The following NOL4 variants were observed in gnomAD, a reference collection of about 807,000 sequenced individuals.
NOL4 encodes nucleolar protein 4.
In NOL4, 17 loss-of-function variants were observed where a neutral mutation model predicts 75.9. The observed-to-expected ratio is 0.22, with a 90% CI of 0.15 to 0.34. NOL4 has a LOEUF of 0.34. Among genes scored for constraint, NOL4 ranks in the 10% least tolerant of loss-of-function variants. The pLI, the probability that NOL4 is intolerant of heterozygous loss-of-function variation, is 1.00. For synonymous variants in NOL4, 292 were observed against 289.9 expected, an observed-to-expected ratio of 1.01 and a Z score of -0.07; for missense variants, 614 against 793.5, an observed-to-expected ratio of 0.77 and a Z score of 2.72.
At chr18:34,160,628 T>C (rs1303451874) in intron 1 of NOL4, among the ~76,000 whole-genome samples, 1 of 152,208 alleles carries the variant, frequency 6.6e-6, no homozygotes, top group African/African-American at 2.4e-5. Context: ...TGAATTCTTA[T>C]ATATGTGGTC....
chr18:33,886,576 G>C (rs2064672059), intron 9 of NOL4, among the ~76,000 whole-genome samples: 1 of 150,026 alleles, frequency 6.7e-6, no homozygotes, highest in Non-Finnish European at 1.5e-5. Context: ...ACTATTATTT[G>C]ATAGTGCAAC....
At chr18:33,942,661 C>T (rs948534397) in intron 9 of NOL4, among the ~76,000 whole-genome samples, 7 of 151,836 alleles carry the variant, frequency 4.6e-5, no homozygotes, top group Admixed American at 1.3e-4. Flanking sequence ...TATTGGCATG[C>T]GGTAGTAGGC....
At chr18:34,025,195 A>G (rs1252214427) in intron 5 of NOL4, among the ~76,000 whole-genome samples, 3 of 152,216 alleles carry the variant, frequency 2.0e-5, no homozygotes, top group Non-Finnish European at 4.4e-5. Flanking sequence ...ACTTACTGCC[A>G]GAATGGTCCC....
intron 1 of NOL4, among the ~76,000 whole-genome samples, chr18:34,134,487 C>CAT (rs2080808591): frequency 6.9e-6 from 1 of 145,676 alleles, no homozygotes; most frequent in African/African-American, 2.5e-5. Flanking sequence ...CACACACACA[C>CAT]ACACACACAT....
At chr18:34,175,875 C>T (rs1052492335) in intron 1 of NOL4, among the ~76,000 whole-genome samples, 15 of 151,974 alleles carry the variant, frequency 9.9e-5, no homozygotes, top group African/African-American at 3.6e-4. Flanking sequence ...AGACAAGAAT[C>T]TCATTCTAGA....
rs1194516345 is a variant in NOL4 at position 33,981,734 on chromosome 18, A to T, written c.1057-23316T>A. Among the ~76,000 whole-genome samples the T allele has an allele frequency of 2.6e-5, 4 of 152,086 alleles. No homozygotes were observed. The East Asian group carries it at 7.7e-4, about 29-fold the overall frequency. ...TAATATAGGTTAATGACTTGGACTT[A>T]TTTTTTCAAAGAGCATTAGAGGAAG... On this transcript the variant is annotated intron_variant, in intron 6 of 10. Transcript: ENST00000261592.
At chr18:34,141,741 C>G (rs2081173234) in intron 1 of NOL4, among the ~76,000 whole-genome samples, 1 of 152,160 alleles carries the variant, frequency 6.6e-6, no homozygotes, top group African/African-American at 2.4e-5. Flanking sequence ...TAGAAGAAAA[C>G]CTAGGCAATA....
At position 33,852,743 on chromosome 18, in the gene NOL4, G is replaced by T; in HGVS notation, c.*99C>A. ...CATAATGGAAGTATTTCTCTTAAAA[G>T]ACTGTGCAGTAAGACCAGAAGTATC... On this transcript the variant is annotated 3_prime_UTR_variant, in exon 11 of 11. Coordinates refer to ENST00000261592, the MANE Select transcript of NOL4 (RefSeq NM_003787.5). 1 of 1,006,504 alleles carries T rather than the reference G, an allele frequency of 9.9e-7. No homozygotes were observed. The highest frequency in any genetic ancestry group is 1.6e-5 in the South Asian group (1 of 64,374). 62.3% of individuals were successfully genotyped at this position (1,006,504 alleles called of 1,614,324 possible).
chr18:34,053,156 T>C lies in NOL4; in HGVS notation c.773-33555A>G, dbSNP rs556103774. ...TACTGAAGAAAAAATGGATTTCAGATTGAAGATGGTAGCAATGATGTAAGT... is the reference window on the plus strand; with the variant it reads ...TACTGAAGAAAAAATGGATTTCAGACTGAAGATGGTAGCAATGATGTAAGT... On this transcript the variant is annotated intron_variant, in intron 5 of 10. Coordinates refer to ENST00000261592, the MANE Select transcript of NOL4 (RefSeq NM_003787.5). Among the ~76,000 whole-genome samples the C allele has an allele frequency of 2.2e-3, 342 of 152,128 alleles. 2 individuals carry two copies. The highest frequency in any genetic ancestry group is 7.8e-3 in the African/African-American group (325 of 41,552).
chr18:34,068,024 A>T (rs2077354249), intron 5 of NOL4, among the ~76,000 whole-genome samples: 1 of 152,222 alleles, frequency 6.6e-6, no homozygotes, highest in Non-Finnish European at 1.5e-5. Context: ...CAAAGTAAAG[A>T]GATGGGAGAA....
intron 9 of NOL4, among the ~76,000 whole-genome samples, chr18:33,886,728 T>C (rs2064685232): frequency 6.9e-6 from 1 of 145,072 alleles, no homozygotes; most frequent in Admixed American, 6.9e-5. Flanking sequence ...GCACATTGTA[T>C]GCCTGTATCA....
At chr18:33,996,885 C>CT (rs138162301) in intron 6 of NOL4, among the ~76,000 whole-genome samples, 20,555 of 151,622 alleles carry the variant, frequency 0.14, 1,491 homozygotes, top group Middle Eastern at 0.24. Flanking sequence ...GTACATATGT[C>CT]TTTTTGGTAA....
At chr18:34,194,515 A>G (rs1386770494) in intron 1 of NOL4, among the ~76,000 whole-genome samples, 1 of 151,830 alleles carries the variant, frequency 6.6e-6, no homozygotes, top group Non-Finnish European at 1.5e-5. Flanking sequence ...AAAAGCAGCA[A>G]ATTTTTATTG....
At chr18:34,182,868 G>T (rs1275738244) in intron 1 of NOL4, among the ~76,000 whole-genome samples, 3 of 151,654 alleles carry the variant, frequency 2.0e-5, no homozygotes, top group Non-Finnish European at 3.0e-5. Flanking sequence ...TTACCAAAAA[G>T]TACATGAAAT....
intron 5 of NOL4, among the ~76,000 whole-genome samples, chr18:34,030,698 T>G (rs1195638191): frequency 2.0e-5 from 3 of 152,118 alleles, no homozygotes; most frequent in Non-Finnish European, 4.4e-5. Context: ...AAATAATAGC[T>G]AGAAGGAGCA....
chr18:34,164,197 T>C (rs1439699080), intron 1 of NOL4, among the ~76,000 whole-genome samples: 2 of 152,030 alleles, frequency 1.3e-5, no homozygotes, highest in Admixed American at 1.3e-4. Context: ...ACTTCATGTC[T>C]AAAACACCAA....
intron 9 of NOL4, among the ~76,000 whole-genome samples, chr18:33,896,634 G>A (rs1452027827): frequency 2.0e-5 from 3 of 152,152 alleles, no homozygotes. Flanking sequence ...ATGGATTGAA[G>A]ATTTAAATGT....
chr18:34,197,372 A>G (rs4384666), intron 1 of NOL4, among the ~76,000 whole-genome samples: 80,869 of 151,744 alleles, frequency 0.53, 21,686 homozygotes, highest in Admixed American at 0.59. Flanking sequence ...GTCAAAAAGA[A>G]AAGCAAATGA....
intron 5 of NOL4, among the ~76,000 whole-genome samples, chr18:34,029,359 C>T (rs1451750771): frequency 1.3e-5 from 2 of 152,114 alleles, no homozygotes; most frequent in East Asian, 3.8e-4. Flanking sequence ...AAGTAGCCCA[C>T]ACACATAAAA....
Sources: allele counts gnomAD v4.1 joint callset (sites outside exome capture counted in the v4.1 genomes callset), GRCh38; gene constraint gnomAD v4.1.1; transcripts MANE v1.5; gene names NCBI Gene and HGNC (gene_info 2026-07-23, HGNC 2026-07-21).